GRK2: variants seen among roughly 807,000 people sequenced by gnomAD.
The protein encoded by GRK2 is G protein-coupled receptor kinase 2.
A neutral mutation model predicts 97.8 loss-of-function variants in GRK2; 23 were observed. That is an observed-to-expected ratio of 0.24 (90% confidence interval 0.17 to 0.33). GRK2 has a LOEUF of 0.33. Ranked by LOEUF, GRK2 falls within the 10% of genes least tolerant of loss-of-function variation. GRK2 has a pLI of 1.00. For missense variants in GRK2, 633 were observed against 956.9 expected (o/e 0.66, Z 4.47); for synonymous variants, 425 against 381.7 (o/e 1.11, Z -1.32).
intron 7 of GRK2, 25 bp downstream of exon 7, chr11:67,280,808 G>C (rs1174170787): frequency 1.2e-6 from 2 of 1,613,254 alleles, no homozygotes; most frequent in African/African-American, 1.3e-5. Flanking sequence ...GTGGGGCATG[G>C]AAAGCCACGC....
chr11:67,272,934 TA>T (rs1275399779), intron 1 of GRK2, among the ~76,000 whole-genome samples: 1 of 152,238 alleles, frequency 6.6e-6, no homozygotes, highest in Admixed American at 6.5e-5. Context: ...CAAGACCAGT[TA>T]CTGTGTGATT....
At position 67,269,500 on chromosome 11, in the gene GRK2, G is replaced by A. The variant is rs193280168; in HGVS notation, c.113+2688G>A. Among the ~76,000 whole-genome samples the A allele has an allele frequency of 3.6e-4, 55 of 152,274 alleles. 1 individual carries two copies. Among genetic ancestry groups the A allele is most frequent in the Non-Finnish European group, 6.3e-4 (43 of 68,018 alleles). On this transcript the variant is annotated intron_variant, in intron 1 of 20. Coordinates refer to ENST00000308595, the MANE Select transcript of GRK2 (RefSeq NM_001619.5). This position sits in a 1 kb window ranked among gnomAD's most constrained non-coding sequence, Gnocchi z 4.1. ...CTGTTCTCGCCTCTGTCCACATTTT[G>A]CGGTGTGGGCTGACTGGCACCCCTT...
Position 67,277,938 on chromosome 11 carries a change from G to C in GRK2, c.190+590G>C, listed in dbSNP as rs374998054. ...TGGCCTTCCCGAGAACAGGAGCTCA[G>C]CTCTGGACAGGGGGTATCCTGGCCT... On this transcript the variant is annotated intron_variant, in intron 2 of 20. Transcript: ENST00000308595. Among the ~76,000 whole-genome samples, 4 of 152,340 alleles carry C rather than the reference G, an allele frequency of 2.6e-5. No homozygotes were observed. In the East Asian group the frequency reaches 7.7e-4, roughly 29 times the overall value.
chr11:67,280,444 G>T, intron 6 of GRK2: 1 of 532,602 alleles, frequency 1.9e-6, no homozygotes, highest in Non-Finnish European at 3.4e-6. Context: ...ATGGTAGCAG[G>T]AAGTCTGGGT....
Position 67,282,712 on chromosome 11 carries a change from T to TC in GRK2, c.1161-38dup, listed in dbSNP as rs933628841. The TC allele has an allele frequency of 1.2e-6, 2 of 1,607,320 alleles. No individual in the cohort carries two copies. The highest frequency in any genetic ancestry group is 1.7e-6 in the Non-Finnish European group (2 of 1,177,180). ...ATGCTGCCTGCCTCCCTTTCCCCAT[T>TC]CCTGTCCTTTGACATTGGTTTTTGG... On this transcript the variant is annotated intron_variant, in intron 13 of 20. Transcript: ENST00000308595. This position sits in a 1 kb window ranked among gnomAD's most constrained non-coding sequence, Gnocchi z 6.9.
chr11:67,278,937 G>T (rs1860087907), intron 2 of GRK2, among the ~76,000 whole-genome samples: 2 of 152,192 alleles, frequency 1.3e-5, no homozygotes, highest in Non-Finnish European at 2.9e-5. Flanking sequence ...CCTCACCCTG[G>T]TGCCCATCGC....
In GRK2 at chr11:67,276,362, A is replaced by G. The variant is rs1860028718; in HGVS notation, c.114-910A>G. On this transcript the variant is annotated intron_variant, in intron 1 of 20. Transcript: ENST00000308595. The surrounding 1 kb of genome is among the most constrained non-coding windows in gnomAD (Gnocchi z 4.2). ...GGGCAGGAGGGGACAGTAAGGTGGT[A>G]TTTGAGGCCGGGAGTGTAGCCTGGT... Among the ~76,000 whole-genome samples the G allele has an allele frequency of 6.6e-6, 1 of 152,054 alleles. No individual in the cohort carries two copies. The highest frequency in any genetic ancestry group is 6.6e-5 in the Admixed American group (1 of 15,264).
In GRK2 at chr11:67,285,163, G is replaced by C. The variant is rs755811948; in HGVS notation, c.1880G>C (p.Gly627Ala). The C allele has an allele frequency of 1.7e-5, 27 of 1,613,468 alleles. No individual in the cohort carries two copies. The African/African-American group carries it at 3.3e-4, about 20-fold the overall frequency. Reference protein sequence around the residue: ...RKCLLLKIRGGKQFILQCDSD... With the variant: ...RKCLLLKIRGAKQFILQCDSD... ...TGCCTGCTCCTCAAGATCCGCGGTG[G>C]GAAACAGTTCATTTTGCAGTGCGAT... Residue 627 changes from glycine (G) to alanine (A), a missense_variant, in exon 20 of 21, where the codon GGG becomes GCG. By Grantham distance (60) the Gly-to-Ala change is moderately conservative (BLOSUM62 0). Transcript: ENST00000308595.
chr11:67,286,514 G>C lies in GRK2; in HGVS notation c.*1064G>C. 1 of 701,734 alleles carries C rather than the reference G, an allele frequency of 1.4e-6. No homozygotes were observed. The highest frequency in any genetic ancestry group is 2.6e-6 in the Non-Finnish European group (1 of 384,086). The allele number at this position is 701,734 out of a possible 1,614,324, so 43.5% of individuals were successfully genotyped here. A position where few individuals can be genotyped will look rare whatever the true frequency, so the allele number is the denominator to read the frequency against. ...CGATTTTTGAATGTGATTTTAAAGA[G>C]TGAAAAATGAGACTATGCGTTTTTA... On this transcript the variant is annotated 3_prime_UTR_variant, in exon 21 of 21. Transcript: ENST00000308595.
chr11:67,266,694 G>T lies in GRK2; in HGVS notation c.-6G>T, dbSNP rs1275507502. 2 of 1,203,486 alleles carry T rather than the reference G, an allele frequency of 1.7e-6. No homozygotes were observed. The highest frequency in any genetic ancestry group is 4.3e-5 in the Admixed American group (1 of 23,146). 74.6% of individuals were successfully genotyped at this position (1,203,486 alleles called of 1,614,324 possible). On this transcript the variant is annotated 5_prime_UTR_variant, in exon 1 of 21. Transcript: ENST00000308595. ...GGCGGCGGGAGGAGGCAGCGCCGCC[G>T]CCAAGATGGCGGACCTGGAGGCGGT...
At chr11:67,279,561 C>T (rs1463072515) in intron 4 of GRK2, 42 bp downstream of exon 4, 5 of 1,612,460 alleles carry the variant, frequency 3.1e-6, no homozygotes, top group Non-Finnish European at 3.4e-6. Context: ...CCCAGAGTCA[C>T]CTGCAGATTG....
rs1047649277 is a variant in GRK2, at chr11:67,276,998, C to T, written c.114-274C>T. The T allele has an allele frequency of 3.0e-5, 10 of 333,224 alleles. No homozygotes were observed. Among genetic ancestry groups the T allele is most frequent in the African/African-American group, 8.6e-5 (4 of 46,762 alleles). 20.6% of individuals were successfully genotyped at this position (333,224 alleles called of 1,614,324 possible). A position where few individuals can be genotyped will look rare whatever the true frequency, so the allele number is the denominator to read the frequency against. ...AAGCCAGCCGGTGGCATCACTGGGA[C>T]GAGACCCCACAGGCGGTGGGCCTCT... On this transcript the variant is annotated intron_variant, in intron 1 of 20. Coordinates refer to ENST00000308595, the MANE Select transcript of GRK2 (RefSeq NM_001619.5). This position sits in a 1 kb window ranked among gnomAD's most constrained non-coding sequence, Gnocchi z 4.2.
intron 18 of GRK2, 184 bp downstream of exon 18, chr11:67,284,557 C>T (rs1031305897): frequency 3.6e-5 from 27 of 752,276 alleles, no homozygotes; most frequent in African/African-American, 7.1e-5. Context: ...GGCCAAGGAG[C>T]GCAGATCACT....
chr11:67,279,030 C>T (rs12274774), intron 2 of GRK2, among the ~76,000 whole-genome samples, 170 bp from the exon 3 acceptor site: 3 of 152,180 alleles, frequency 2.0e-5, no homozygotes, highest in Admixed American at 1.3e-4. Context: ...GGAATCTTCA[C>T]GTTGGCAGCA....
intron 1 of GRK2, among the ~76,000 whole-genome samples, chr11:67,275,862 C>T (rs559526214): frequency 3.7e-4 from 57 of 152,364 alleles, no homozygotes; most frequent in African/African-American, 1.2e-3. Context: ...CTTCTGCACA[C>T]GCTGTCTGGT....
chr11:67,285,442 G>A lies in GRK2; in HGVS notation c.2062G>A (p.Gly688Ser), dbSNP rs375875634. The A allele has an allele frequency of 4.2e-5, 66 of 1,566,570 alleles. No homozygotes were observed. The highest frequency in any genetic ancestry group is 5.2e-5 in the Non-Finnish European group (60 of 1,156,166). ...VPLVQRGSAN[G>S]L is the part of the protein sequence containing the mutation. ...GCTGGTCCAGCGCGGCAGTGCCAAC[G>A]GCCTCTGACCCGCCCACCCGCCTTT... Residue 688 changes from glycine to serine, a missense_variant, in exon 21 of 21, where the codon GGC (glycine) becomes AGC (serine). Physicochemically the swap from Gly to Ser is moderately conservative, Grantham distance 56 (BLOSUM62 0). Around this residue, in one of 4 missense-constraint regions of GRK2, gnomAD observed 180 missense variants for 311.3 expected, o/e 0.58. Coordinates refer to ENST00000308595, the MANE Select transcript of GRK2 (RefSeq NM_001619.5).
Position 67,285,733 on chromosome 11 carries a change from A to G in GRK2, c.*283A>G. 1 of 461,278 alleles carries G rather than the reference A, an allele frequency of 2.2e-6. No homozygotes were observed. The highest frequency in any genetic ancestry group is 4.0e-5 in the Admixed American group (1 of 24,950). 28.6% of individuals were successfully genotyped at this position (461,278 alleles called of 1,614,324 possible). On this transcript the variant is annotated 3_prime_UTR_variant, in exon 21 of 21. Coordinates refer to ENST00000308595, the MANE Select transcript of GRK2 (RefSeq NM_001619.5). ...CGCCCCTTCCCCGAGGGATGATGCC[A>G]CACCAAGCTGTGCCACCCTGGGCTC...
Position 67,282,932 on chromosome 11 carries a change from C to T in GRK2, c.1227+114C>T, listed in dbSNP as rs189154309. On this transcript the variant is annotated intron_variant, in intron 14 of 20. Coordinates refer to ENST00000308595, the MANE Select transcript of GRK2 (RefSeq NM_001619.5). This position sits in a 1 kb window ranked among gnomAD's most constrained non-coding sequence, Gnocchi z 6.9. ...CAGAGATCTGGGCCACTGACCCCTACTCTGGCCTCTGAGACAGACCTCCTG... is the reference window on the plus strand; with the variant it reads ...CAGAGATCTGGGCCACTGACCCCTATTCTGGCCTCTGAGACAGACCTCCTG... The T allele has an allele frequency of 1.0e-4, 131 of 1,269,422 alleles. 1 individual carries two copies. In the African/African-American group the frequency reaches 1.7e-3, roughly 17 times the overall value. 78.6% of individuals were successfully genotyped at this position (1,269,422 alleles called of 1,614,324 possible). A position where few individuals can be genotyped will look rare whatever the true frequency, so the allele number is the denominator to read the frequency against.
intron 1 of GRK2, among the ~76,000 whole-genome samples, chr11:67,274,160 AC>A (rs1398058386): frequency 6.6e-6 from 1 of 152,034 alleles, no homozygotes; most frequent in African/African-American, 2.4e-5. Context: ...CTACAGGCGC[AC>A]GCCACCATGC....
Sources: gnomAD v4.1 joint callset for allele counts (sites outside exome capture counted in the v4.1 genomes callset) on GRCh38, gnomAD v4.1.1 for gene constraint, gnomAD v4.1.1 regional missense constraint, Gnocchi (gnomAD v3.1) non-coding constraint, MANE v1.5 for transcripts, NCBI Gene and HGNC (gene_info 2026-07-23, HGNC 2026-07-21) for gene names.